The following ANKFN1 variants were observed in gnomAD, a reference collection of about 807,000 sequenced individuals.
ANKFN1 encodes ankyrin repeat and fibronectin type III domain containing 1.
ANKFN1 carries 74 observed loss-of-function variants against 108.7 expected under a neutral mutation model. That is an observed-to-expected ratio of 0.68 (90% CI 0.56 to 0.83). ANKFN1 has a LOEUF of 0.83. ANKFN1 is among the 40% of genes least tolerant of loss of function. The pLI is 0.00. For missense variants in ANKFN1, 1,505 were observed against 1,382.3 expected (o/e 1.09, Z -1.41); for synonymous variants, 547 against 516.2 (o/e 1.06, Z -0.81).
intron 8 of ANKFN1, among the ~76,000 whole-genome samples, chr17:56,415,462 T>C (rs1169055959): frequency 6.6e-6 from 1 of 152,190 alleles, no homozygotes; most frequent in Admixed American, 6.5e-5. Flanking sequence ...TAACCCCATT[T>C]ATAGCAGCCA....
At position 56,442,784 on chromosome 17, in the gene ANKFN1, G is replaced by A. The variant is rs1373143253; in HGVS notation, c.1009-59G>A. 7 of 1,426,258 alleles carry A rather than the reference G, an allele frequency of 4.9e-6. No individual in the cohort carries two copies. In the East Asian group the frequency reaches 1.6e-4, roughly 33 times the overall value. The allele number at this position is 1,426,258 out of a possible 1,614,324, so 88.4% of individuals were successfully genotyped here. ...ATAGTTATTAAATTCTATACCCATA[G>A]AGTCTAGGGTAAAAATGATTAAATA... On this transcript the variant is annotated intron_variant, in intron 9 of 20. Transcript: ENST00000682825.
intron 4 of ANKFN1, among the ~76,000 whole-genome samples, chr17:56,337,914 G>C (rs1018026733): frequency 6.6e-6 from 1 of 152,080 alleles, no homozygotes; most frequent in African/African-American, 2.4e-5. Flanking sequence ...CAAGGATCTA[G>C]AACTAGAAAT....
At chr17:56,388,372 T>G (rs962763895) in intron 8 of ANKFN1, among the ~76,000 whole-genome samples, 1 of 152,106 alleles carries the variant, frequency 6.6e-6, no homozygotes, top group African/African-American at 2.4e-5. Flanking sequence ...CCTCTAGTGA[T>G]CCACCCACCT....
intron 1 of ANKFN1, among the ~76,000 whole-genome samples, chr17:56,168,519 T>C: frequency 6.6e-6 from 1 of 152,232 alleles, no homozygotes; most frequent in East Asian, 1.9e-4. Flanking sequence ...AAATTTGCAA[T>C]TGTTTTTCAT....
chr17:56,331,956 T>C (rs897213062), intron 4 of ANKFN1, among the ~76,000 whole-genome samples: 2 of 152,140 alleles, frequency 1.3e-5, no homozygotes, highest in African/African-American at 2.4e-5. Flanking sequence ...GTTGTTCTTT[T>C]ATATATGTTG....
intron 4 of ANKFN1, among the ~76,000 whole-genome samples, chr17:56,083,781 A>G (rs570359578): frequency 6.6e-6 from 1 of 151,496 alleles, no homozygotes; most frequent in South Asian, 2.1e-4. Flanking sequence ...TCAAGCTCAA[A>G]TTTTTATGAG....
At chr17:56,220,824 AAGGAAGGGAGGAAGGGAGGG>A (rs1915807075) in intron 2 of ANKFN1, among the ~76,000 whole-genome samples, 2 of 50,244 alleles carry the variant, frequency 4.0e-5, no homozygotes, top group African/African-American at 3.8e-4. Flanking sequence ...GGAAGGAAGG[AAGGAAGGGAGGAAGGGAGGG>A]AGGGAGGAAG....
intron 3 of ANKFN1, among the ~76,000 whole-genome samples, chr17:56,318,887 T>C (rs2144495087): frequency 6.6e-6 from 1 of 152,208 alleles, no homozygotes; most frequent in African/African-American, 2.4e-5. Context: ...AGCATAAAGA[T>C]AGGTCAAAGA....
At chr17:56,504,867 T>G (rs1367220024) in intron 20 of ANKFN1, among the ~76,000 whole-genome samples, 1 of 148,736 alleles carries the variant, frequency 6.7e-6, no homozygotes. Flanking sequence ...AACACAGGGT[T>G]GCATCAGGTT....
chr17:56,234,343 GT>G (rs78208220), intron 3 of ANKFN1, among the ~76,000 whole-genome samples: 42,686 of 147,378 alleles, frequency 0.29, 6,382 homozygotes, highest in Admixed American at 0.37. Flanking sequence ...TTCCTTTGGG[GT>G]TTTTTTTTTT....
In ANKFN1 at chr17:56,055,566, C is replaced by CATACAT. The variant is rs1555588763; in HGVS notation, c.288+9244_288+9245insCATATA. On this transcript the variant is annotated intron_variant, in intron 4 of 12. Transcript: ENST00000635860. ...TATATGTGTGTGTGTGGTATATATA[C>CATACAT]ATATATATATATATATATATATGTA... Among the ~76,000 whole-genome samples, 21 of 47,460 alleles carry CATACAT rather than the reference C, an allele frequency of 4.4e-4. No individual in the cohort carries two copies. In the East Asian group the frequency reaches 7.2e-3, roughly 16 times the overall value. The allele number at this position is 47,460 out of a possible 152,430, so 31.1% of individuals were successfully genotyped here. A position where few individuals can be genotyped will look rare whatever the true frequency, so the allele number is the denominator to read the frequency against.
intron 4 of ANKFN1, among the ~76,000 whole-genome samples, chr17:56,061,538 G>A (rs1404257887): frequency 6.6e-6 from 1 of 152,040 alleles, no homozygotes. Flanking sequence ...CTCCCAAAGT[G>A]CTGGGATTAC....
At chr17:56,411,778 A>G (rs1338387731) in intron 8 of ANKFN1, among the ~76,000 whole-genome samples, 1 of 152,188 alleles carries the variant, frequency 6.6e-6, no homozygotes, top group African/African-American at 2.4e-5. Flanking sequence ...ATGTTAATAC[A>G]GTGTATCACA....
intron 1 of ANKFN1, among the ~76,000 whole-genome samples, chr17:56,161,766 T>TTA (rs1909674724): frequency 1.5e-5 from 2 of 135,638 alleles, no homozygotes; most frequent in Non-Finnish European, 1.7e-5. Flanking sequence ...TAGATTTCAG[T>TTA]AAAAAAAAAA....
chr17:56,362,490 A>G (rs12950006), intron 6 of ANKFN1, among the ~76,000 whole-genome samples: 1 of 152,226 alleles, frequency 6.6e-6, no homozygotes, highest in Non-Finnish European at 1.5e-5. Context: ...CCAAAAACAT[A>G]CAATGGAAAG....
At chr17:56,395,345 G>T (rs1042514433) in intron 8 of ANKFN1, among the ~76,000 whole-genome samples, 2 of 152,158 alleles carry the variant, frequency 1.3e-5, no homozygotes, top group African/African-American at 4.8e-5. Flanking sequence ...ACGCTGTTGT[G>T]TGAAAAGACA....
intron 3 of ANKFN1, among the ~76,000 whole-genome samples, chr17:56,241,674 C>A (rs1457850847): frequency 2.0e-5 from 3 of 151,924 alleles, no homozygotes; most frequent in African/African-American, 7.3e-5. Flanking sequence ...TTTTCCTATG[C>A]GAGTGTACCT....
Position 56,058,260 on chromosome 17 carries a change from CCTT to C in ANKFN1, c.288+11940_288+11942del, listed in dbSNP as rs578002194. 1.6e-4 allele frequency among the ~76,000 whole-genome samples: 24 copies of C among 152,310 alleles called. No individual in the cohort carries two copies. In the South Asian group the frequency reaches 4.6e-3, roughly 29 times the overall value. On this transcript the variant is annotated intron_variant, in intron 4 of 12. Transcript: ENST00000635860. ...CTAACTATGAAAGTCCTAGATGTTA[CCTT>C]CTTCCAATAGAAGGCTGTTTCATCT...
chr17:56,201,929 A>G (rs927904304), intron 1 of ANKFN1, among the ~76,000 whole-genome samples: 3 of 152,336 alleles, frequency 2.0e-5, no homozygotes, highest in Non-Finnish European at 2.9e-5. Flanking sequence ...AACTAGGTCC[A>G]TCCAGTGGGC....
Sources: allele counts gnomAD v4.1 joint callset (sites outside exome capture counted in the v4.1 genomes callset), GRCh38; gene constraint gnomAD v4.1.1; transcripts MANE v1.5; gene names NCBI Gene and HGNC (gene_info 2026-07-23, HGNC 2026-07-21).